TTC33: variants seen among roughly 807,000 people sequenced by gnomAD.
TTC33 encodes tetratricopeptide repeat domain 33.
In TTC33, 24 loss-of-function variants were observed where a neutral mutation model predicts 29.4. That is an observed-to-expected ratio of 0.82 (90% CI 0.59 to 1.15). The LOEUF (loss-of-function observed/expected upper bound fraction) is 1.15. Among genes scored for constraint, TTC33 ranks in the 50% most tolerant of loss-of-function variants. The pLI is 0.00. For missense variants in TTC33, 286 were observed against 310.4 expected (o/e 0.92, Z 0.59); for synonymous variants, 107 against 100.3 (o/e 1.07, Z -0.40).
At chr5:40,751,323 T>C (rs2111941722) in intron 1 of TTC33, among the ~76,000 whole-genome samples, 1 of 152,306 alleles carries the variant, frequency 6.6e-6, no homozygotes, top group East Asian at 1.9e-4. Context: ...GCACTGTCAA[T>C]GAGCAGTAAA....
At chr5:40,743,083 C>A (rs979564168) in intron 2 of TTC33, among the ~76,000 whole-genome samples, 2 of 152,134 alleles carry the variant, frequency 1.3e-5, no homozygotes, top group Non-Finnish European at 2.9e-5. Flanking sequence ...ATATTCTAAA[C>A]ACACTAAATA....
intron 4 of TTC33, among the ~76,000 whole-genome samples, chr5:40,718,596 T>C (rs1742056997): frequency 6.6e-6 from 1 of 151,630 alleles, no homozygotes; most frequent in Admixed American, 6.6e-5. Flanking sequence ...AAAAATTAGC[T>C]GGGCATGGTG....
rs1467305942 is a variant in TTC33 at position 40,713,494 on chromosome 5, C to T, written c.*2651G>A. 6.6e-6 allele frequency among the ~76,000 whole-genome samples: 1 copy of T among 152,008 alleles called. No individual in the cohort carries two copies. Among genetic ancestry groups the T allele is most frequent in the African/African-American group, 2.4e-5 (1 of 41,400 alleles). On this transcript the variant is annotated 3_prime_UTR_variant, in exon 5 of 5. Coordinates refer to ENST00000337702, the MANE Select transcript of TTC33 (RefSeq NM_012382.3). The stretch of plus-strand genomic sequence containing the variant: ...CTGCCATAAAATTTTGTATGTAGGC[C>T]CCAGTTGCAGTAGATCTGGCTCCTG...
chr5:40,721,085 C>T (rs1742120780), intron 4 of TTC33, among the ~76,000 whole-genome samples: 1 of 152,148 alleles, frequency 6.6e-6, no homozygotes, highest in Non-Finnish European at 1.5e-5. Context: ...CCAGATTTTG[C>T]CTAGGGAAGA....
rs539001663 is a variant in TTC33 at position 40,718,602 on chromosome 5, T to C, written c.436-2104A>G. 8.6e-5 allele frequency among the ~76,000 whole-genome samples: 13 copies of C among 151,842 alleles called. No homozygotes were observed. The South Asian group carries it at 2.7e-3, about 32-fold the overall frequency. The stretch of plus-strand genomic sequence containing the variant: ...TAAAAATACAAAAATTAGCTGGGCA[T>C]GGTGGCACCCTCCACGTGGTGGCTA... On this transcript the variant is annotated intron_variant, in intron 4 of 4. Transcript: ENST00000337702.
chr5:40,719,632 C>T (rs975303288), intron 4 of TTC33, among the ~76,000 whole-genome samples: 12 of 152,178 alleles, frequency 7.9e-5, no homozygotes, highest in South Asian at 2.1e-4. Flanking sequence ...AGACTGTTTT[C>T]CAAAATGGCT....
intron 1 of TTC33, among the ~76,000 whole-genome samples, chr5:40,752,204 C>T (rs964131236): frequency 6.6e-6 from 1 of 152,190 alleles, no homozygotes. Context: ...AAATGAGGCT[C>T]CTGCTTAAGG....
intron 4 of TTC33, among the ~76,000 whole-genome samples, chr5:40,725,830 G>A (rs1742269625): frequency 7.0e-6 from 1 of 143,696 alleles, no homozygotes; most frequent in Non-Finnish European, 1.5e-5. Context: ...CTGTCACCCA[G>A]GCTGGAGTGC....
intron 4 of TTC33, among the ~76,000 whole-genome samples, chr5:40,727,495 G>T (rs1399422404): frequency 6.6e-6 from 1 of 152,164 alleles, no homozygotes; most frequent in Non-Finnish European, 1.5e-5. Flanking sequence ...GATGCATTAG[G>T]TACCAGTTTA....
chr5:40,716,513 C>CA lies in TTC33; in HGVS notation c.436-16dup, dbSNP rs758582945. On this transcript the variant is annotated splice_polypyrimidine_tract_variant and intron_variant, in intron 4 of 4. Coordinates refer to ENST00000337702, the MANE Select transcript of TTC33 (RefSeq NM_012382.3). ...CTTCGAATTGCCTAGAAAATAAGGT[C>CA]AGAGTTTTTTGTTTTGGTTTTAAAA... The CA allele has an allele frequency of 3.9e-6, 6 of 1,554,338 alleles. No individual in the cohort carries two copies. Among genetic ancestry groups the CA allele is most frequent in the Non-Finnish European group, 4.3e-6 (5 of 1,150,718 alleles).
intron 1 of TTC33, among the ~76,000 whole-genome samples, chr5:40,749,547 G>A (rs1742856463): frequency 6.6e-6 from 1 of 152,274 alleles, no homozygotes; most frequent in East Asian, 1.9e-4. Context: ...GTATGGGAGG[G>A]AGAGAAATGA....
At chr5:40,721,069 C>T (rs1235098164) in intron 4 of TTC33, among the ~76,000 whole-genome samples, 2 of 152,130 alleles carry the variant, frequency 1.3e-5, no homozygotes, top group Non-Finnish European at 2.9e-5. Flanking sequence ...AGAAAATTCC[C>T]AGCTCCCAGA....
chr5:40,731,567 A>G (rs1322555919), intron 2 of TTC33, among the ~76,000 whole-genome samples: 2 of 152,264 alleles, frequency 1.3e-5, no homozygotes, highest in Admixed American at 1.3e-4. Context: ...ATGAGCGCTG[A>G]GCAAACAGGG....
At chr5:40,734,909 T>C (rs1322338656) in intron 2 of TTC33, among the ~76,000 whole-genome samples, 1 of 152,142 alleles carries the variant, frequency 6.6e-6, no homozygotes, top group Non-Finnish European at 1.5e-5. Flanking sequence ...AGGAATGTGA[T>C]AGGGAGTGAC....
intron 4 of TTC33, among the ~76,000 whole-genome samples, chr5:40,719,701 C>T (rs938360700): frequency 6.6e-6 from 1 of 152,196 alleles, no homozygotes; most frequent in Admixed American, 6.5e-5. Flanking sequence ...CACACCCTCA[C>T]CAACACTTCA....
rs1366268660 is a variant in TTC33 at position 40,728,367 on chromosome 5, A to C, written c.413T>G (p.Leu138Arg). 6.2e-7 allele frequency: 1 copy of C among 1,611,154 alleles called. No individual in the cohort carries two copies. Among genetic ancestry groups the C allele is most frequent in the South Asian group, 1.1e-5 (1 of 90,456 alleles). ...CACCAGGATTATCTCTCCTAAACCA[A>C]GTTGAGCACGTCCCAAAGTCTGCCA... The part of the protein sequence containing the change: ...ESWQTLGRAQ[L>R]GLGEIILAIR... Residue 138 changes from leucine to arginine, a missense_variant, in exon 4 of 5, where the codon CTT becomes CGT. Coordinates refer to ENST00000337702, the MANE Select transcript of TTC33 (RefSeq NM_012382.3).
rs773490850 is a variant in TTC33 at position 40,716,355 on chromosome 5, T to A, written c.579A>T (p.Val193=). The A allele has an allele frequency of 5.6e-6, 9 of 1,614,098 alleles. No individual in the cohort carries two copies. The African/African-American group carries it at 9.3e-5, about 17-fold the overall frequency. The change falls in exon 5 of 5, where the codon GTA becomes GTT. Residue 193 remains valine (V), a synonymous_variant. Coordinates refer to ENST00000337702, the MANE Select transcript of TTC33 (RefSeq NM_012382.3). The part of the protein sequence containing the change: ...RIKKSEAPAE[V]THFSPKSIPD... ...GAATTGACTTTGGTGAAAAGTGTGT[T>A]ACTTCAGCTGGTGCTTCACTTTTTT...
At chr5:40,738,070 A>G (rs1284742105) in intron 2 of TTC33, among the ~76,000 whole-genome samples, 1 of 152,174 alleles carries the variant, frequency 6.6e-6, no homozygotes, top group Non-Finnish European at 1.5e-5. Context: ...CTGAATTAGT[A>G]TCTAGGAATA....
chr5:40,731,501 G>C (rs988806427), intron 2 of TTC33, among the ~76,000 whole-genome samples: 1 of 152,192 alleles, frequency 6.6e-6, no homozygotes. Context: ...AAACTTACAA[G>C]GATGGCAGAA....
Sources: gnomAD v4.1 joint callset for allele counts (sites outside exome capture counted in the v4.1 genomes callset) on GRCh38, gnomAD v4.1.1 for gene constraint, MANE v1.5 for transcripts, NCBI Gene and HGNC (gene_info 2026-07-23, HGNC 2026-07-21) for gene names.